Variants in SMIM45 observed in about 807,000 individuals in gnomAD.
SMIM45 encodes small integral membrane protein 45.
the SMIM45 span, among the ~76,000 whole-genome samples, chr22:41,948,794 G>T: frequency 6.6e-6 from 1 of 152,050 alleles, no homozygotes; most frequent in African/African-American, 2.4e-5. Context: ...TGGGCATGGT[G>T]GTTCACGCAT....
chr22:41,957,100 A>C, the SMIM45 span, among the ~76,000 whole-genome samples: 1 of 149,654 alleles, frequency 6.7e-6, no homozygotes, highest in Non-Finnish European at 1.5e-5. Context: ...TTAAAGGGTG[A>C]ATAGGAGCTG....
the SMIM45 span, among the ~76,000 whole-genome samples, chr22:41,950,906 C>T: frequency 6.6e-6 from 1 of 152,176 alleles, no homozygotes; most frequent in Admixed American, 6.5e-5. Flanking sequence ...GCAGGGGAAT[C>T]GCTTGAACCC....
At chr22:41,951,479 G>A in the SMIM45 span, among the ~76,000 whole-genome samples, 1 of 152,198 alleles carries the variant, frequency 6.6e-6, no homozygotes. Context: ...GAGGACTGCA[G>A]GAAGTGATGT....
the SMIM45 span, among the ~76,000 whole-genome samples, chr22:41,955,657 T>C: frequency 1.8e-3 from 269 of 152,004 alleles, no homozygotes; most frequent in African/African-American, 6.0e-3. Flanking sequence ...ATACAAAAAA[T>C]TAGCTGGGTG....
chr22:41,955,582 G>A, the SMIM45 span, among the ~76,000 whole-genome samples: 1,785 of 152,148 alleles, frequency 0.012, 36 homozygotes, highest in African/African-American at 0.041. Flanking sequence ...CGAGGTGGGC[G>A]GATCACGAGG....
chr22:41,953,260 G>A, the SMIM45 span, among the ~76,000 whole-genome samples: 1 of 152,014 alleles, frequency 6.6e-6, no homozygotes, highest in East Asian at 1.9e-4. Context: ...GGCCCACCTG[G>A]GAGTAGAGAG....
chr22:41,955,054 C>T, the SMIM45 span, among the ~76,000 whole-genome samples: 1 of 152,092 alleles, frequency 6.6e-6, no homozygotes. Context: ...GTTTGTGACG[C>T]ACCTTACACC....
the SMIM45 span, among the ~76,000 whole-genome samples, chr22:41,947,959 G>C: frequency 2.0e-5 from 3 of 152,144 alleles, no homozygotes; most frequent in Non-Finnish European, 2.9e-5. Context: ...ACAGTGAGTG[G>C]TAAGCATGCT....
the SMIM45 span, among the ~76,000 whole-genome samples, chr22:41,949,113 C>T: frequency 2.0e-5 from 3 of 151,350 alleles, no homozygotes; most frequent in South Asian, 2.1e-4. Context: ...GTGGCGGTGG[C>T]GGGCGCCTGT....
chr22:41,957,060 T>C, the SMIM45 span, among the ~76,000 whole-genome samples: 70,322 of 151,426 alleles, frequency 0.46, 19,657 homozygotes, highest in African/African-American at 0.78. Flanking sequence ...GGATTACAGG[T>C]GTGAGCCACT....
chr22:41,947,124 C>T, the SMIM45 span: 1 of 1,594,358 alleles, frequency 6.3e-7, no homozygotes, highest in South Asian at 1.1e-5. Context: ...GCCGATCTTT[C>T]AAACCGCCCT....
the SMIM45 span, among the ~76,000 whole-genome samples, chr22:41,948,712 G>A: frequency 1.3e-5 from 2 of 152,128 alleles, no homozygotes; most frequent in African/African-American, 2.4e-5. Context: ...GAGGCCGGGA[G>A]TTTGAGGCCA....
chr22:41,949,172 G>A, the SMIM45 span, among the ~76,000 whole-genome samples: 4 of 152,026 alleles, frequency 2.6e-5, no homozygotes, highest in African/African-American at 9.7e-5. Flanking sequence ...TTGAACCTGG[G>A]AGGCGGAGGT....
At chr22:41,958,195 C>T in the SMIM45 span, 2 of 416,038 alleles carry the variant, frequency 4.8e-6, no homozygotes, top group Non-Finnish European at 9.7e-6. Context: ...GCGCAGCACT[C>T]TGCCCTCCAC....
chr22:41,951,056 T>C, the SMIM45 span, among the ~76,000 whole-genome samples: 87,089 of 152,204 alleles, frequency 0.57, 28,234 homozygotes, highest in African/African-American at 0.87. Context: ...GGAAAGGACC[T>C]GTCATACCTG....
chr22:41,947,730 A>G, the SMIM45 span, among the ~76,000 whole-genome samples: 1 of 144,764 alleles, frequency 6.9e-6, no homozygotes, highest in African/African-American at 2.6e-5. Flanking sequence ...TAGTGACACG[A>G]TCATAGCTCA....
At chr22:41,957,188 T>TTC in the SMIM45 span, among the ~76,000 whole-genome samples, 3 of 116,190 alleles carry the variant, frequency 2.6e-5, 1 homozygote, top group African/African-American at 1.4e-4. Context: ...GGTCTTTTTT[T>TTC]TTTTTTTTTT....
At chr22:41,957,950 G>A in the SMIM45 span, 5 of 19,656 alleles carry the variant, frequency 2.5e-4, no homozygotes, top group African/African-American at 8.2e-4. Flanking sequence ...AGCCCGCCCC[G>A]CCCGCCCAGC....
the SMIM45 span, among the ~76,000 whole-genome samples, chr22:41,955,925 T>C: frequency 6.6e-6 from 1 of 152,094 alleles, no homozygotes; most frequent in African/African-American, 2.4e-5. Context: ...ATGTAGCACT[T>C]GTTATGTGCC....
Sources: allele counts gnomAD v4.1 joint callset (sites outside exome capture counted in the v4.1 genomes callset), GRCh38; gene constraint gnomAD v4.1.1; transcripts MANE v1.5; gene names NCBI Gene and HGNC (gene_info 2026-07-23, HGNC 2026-07-21).